POT1: variants seen among roughly 807,000 people sequenced by gnomAD.
The protein encoded by POT1 is protection of telomeres 1, also known as protection of telomeres protein 1.
A neutral mutation model predicts 78.5 loss-of-function variants in POT1; 47 were observed. The ratio of observed to expected loss-of-function variants is 0.60; its 90% CI spans 0.47 to 0.76. POT1 has a LOEUF of 0.76. Ranked by LOEUF, POT1 falls within the 30% of genes least tolerant of loss-of-function variation. The pLI, the probability that POT1 is intolerant of heterozygous loss-of-function variation, is 0.00. For missense variants in POT1, 646 were observed against 749.9 expected (o/e 0.86, Z 1.62); for synonymous variants, 259 against 260.7 (o/e 0.99, Z 0.06).
chr7:124,927,826 G>A (rs895347151), intron 2 of POT1, among the ~76,000 whole-genome samples: 26 of 152,046 alleles, frequency 1.7e-4, no homozygotes, highest in African/African-American at 6.3e-4. Context: ...TTGTTGGCTA[G>A]GAATTAGAAA....
intron 14 of POT1, among the ~76,000 whole-genome samples, chr7:124,838,927 G>T (rs1794960544): frequency 1.3e-5 from 2 of 152,054 alleles, no homozygotes; most frequent in Admixed American, 1.3e-4. Context: ...AAAAATCCCA[G>T]CAAGTTATTT....
intron 10 of POT1, among the ~76,000 whole-genome samples, chr7:124,852,298 C>T (rs144442747): frequency 6.8e-4 from 104 of 152,120 alleles, no homozygotes; most frequent in African/African-American, 2.4e-3. Context: ...AGTAATAAAA[C>T]AGAAGCTAAT....
chr7:124,857,886 T>G (rs1274027525), intron 9 of POT1, among the ~76,000 whole-genome samples: 2 of 152,124 alleles, frequency 1.3e-5, no homozygotes, highest in Admixed American at 6.5e-5. Context: ...ATGACAGAGC[T>G]AAAACAGTAC....
intron 6 of POT1, among the ~76,000 whole-genome samples, chr7:124,879,796 T>G (rs1796076949): frequency 6.6e-6 from 1 of 152,166 alleles, no homozygotes; most frequent in Non-Finnish European, 1.5e-5. Context: ...TCTCTATTTG[T>G]ACTTCACCTA....
intron 6 of POT1, among the ~76,000 whole-genome samples, chr7:124,881,523 A>G (rs1453937485): frequency 1.3e-5 from 2 of 152,010 alleles, no homozygotes; most frequent in Non-Finnish European, 2.9e-5. Context: ...AATGTTAAAC[A>G]CCTTTCAGGT....
intron 7 of POT1, among the ~76,000 whole-genome samples, chr7:124,867,135 C>A (rs1344328888): frequency 2.0e-5 from 3 of 152,090 alleles, no homozygotes; most frequent in East Asian, 3.9e-4. Context: ...ATGAGCAGGT[C>A]CTCTTTGCTT....
At chr7:124,859,516 T>G (rs920424733) in intron 8 of POT1, among the ~76,000 whole-genome samples, 69 of 152,162 alleles carry the variant, frequency 4.5e-4, no homozygotes, top group African/African-American at 1.5e-3. Flanking sequence ...ATTATTTTTA[T>G]GAGATTCAGT....
At chr7:124,859,246 A>G (rs1042055012) in intron 8 of POT1, 134 bp from the exon 9 acceptor site, 7 of 553,586 alleles carry the variant, frequency 1.3e-5, no homozygotes, top group Non-Finnish European at 2.1e-5. Context: ...TAAATATGAC[A>G]TTATTTTCTG....
rs568858581 is a variant in POT1, at chr7:124,869,845, T to A, written c.255+1066A>T. Among the ~76,000 whole-genome samples the A allele has an allele frequency of 1.1e-3, 174 of 152,302 alleles. 1 individual carries two copies. The highest frequency in any genetic ancestry group is 3.8e-3 in the African/African-American group (158 of 41,568). On this transcript the variant is annotated intron_variant, in intron 7 of 18. Transcript: ENST00000357628. ...ATCCGCCAGCATCAACCTCCCAAAG[T>A]GCTGGGATTACAGGTGTGAGCTACC... is the stretch of plus-strand genomic sequence containing the variant.
chr7:124,918,001 C>T (rs566022198), intron 2 of POT1, among the ~76,000 whole-genome samples: 48 of 152,238 alleles, frequency 3.2e-4, no homozygotes, highest in African/African-American at 1.1e-3. Flanking sequence ...GAAAAATATT[C>T]TGGTGCTACT....
chr7:124,879,657 A>G (rs969050139), intron 6 of POT1, among the ~76,000 whole-genome samples: 3 of 152,166 alleles, frequency 2.0e-5, no homozygotes, highest in Non-Finnish European at 2.9e-5. Context: ...ATGCAATAGG[A>G]TATTTTTCTG....
intron 5 of POT1, among the ~76,000 whole-genome samples, chr7:124,895,043 C>A (rs753735358): frequency 2.0e-5 from 3 of 151,576 alleles, no homozygotes; most frequent in Non-Finnish European, 3.0e-5. Flanking sequence ...CTAGCACTTA[C>A]AAAAATACTT....
chr7:124,889,212 T>G (rs1242258935), intron 6 of POT1, among the ~76,000 whole-genome samples: 1 of 151,914 alleles, frequency 6.6e-6, no homozygotes, highest in Non-Finnish European at 1.5e-5. Context: ...ACACAGAAAA[T>G]TTTAGTCGTC....
chr7:124,865,767 T>C (rs1484639841), intron 7 of POT1, among the ~76,000 whole-genome samples: 1 of 151,838 alleles, frequency 6.6e-6, no homozygotes, highest in African/African-American at 2.4e-5. Context: ...AATGCAGTGG[T>C]GTAATAATAT....
chr7:124,895,157 A>T (rs1156781220), intron 5 of POT1, among the ~76,000 whole-genome samples: 1 of 151,664 alleles, frequency 6.6e-6, no homozygotes, highest in Non-Finnish European at 1.5e-5. Flanking sequence ...GCTACTCAGG[A>T]ATTTAAATAT....
rs189690199 is a variant in POT1 at position 124,852,462 on chromosome 7, T to C, written c.869+510A>G. On this transcript the variant is annotated intron_variant, in intron 10 of 18. Transcript: ENST00000357628. ...GCACACAATACTCACTAGGAATACC[T>C]TGGGAAAAGCAGATCTAAATATATA... Among the ~76,000 whole-genome samples the C allele has an allele frequency of 1.3e-3, 204 of 152,274 alleles. 1 individual carries two copies. The highest frequency in any genetic ancestry group is 3.7e-3 in the Admixed American group (57 of 15,290).
intron 6 of POT1, among the ~76,000 whole-genome samples, chr7:124,878,410 G>T (rs1405049127): frequency 6.6e-6 from 1 of 151,850 alleles, no homozygotes; most frequent in East Asian, 1.9e-4. Context: ...AAATTTTCAA[G>T]ATTTGCACAG....
At chr7:124,869,239 G>A (rs1001206510) in intron 7 of POT1, among the ~76,000 whole-genome samples, 3 of 152,130 alleles carry the variant, frequency 2.0e-5, no homozygotes, top group African/African-American at 7.2e-5. Flanking sequence ...GTGTACCCAT[G>A]TAGTTCAAAC....
Position 124,877,840 on chromosome 7 carries a change from CAAAAAAAAAA to C in POT1, c.125-6809_125-6800del, listed in dbSNP as rs201285982. The stretch of plus-strand genomic sequence containing the variant: ...TGGGCGACAGAGAGAGATTCTGTCT[CAAAAAAAAAA>C]AAAAAAAAAAAAAAAAAAAGAGTGA... On this transcript the variant is annotated intron_variant, in intron 6 of 18. Coordinates refer to ENST00000357628, the MANE Select transcript of POT1 (RefSeq NM_015450.3). Among the ~76,000 whole-genome samples the C allele has an allele frequency of 1.6e-3, 130 of 80,568 alleles. 1 individual carries two copies. Among genetic ancestry groups the C allele is most frequent in the Non-Finnish European group, 3.0e-3 (110 of 36,922 alleles). The allele number at this position is 80,568 out of a possible 152,430, so 52.9% of individuals were successfully genotyped here. A position where few individuals can be genotyped will look rare whatever the true frequency, so the allele number is the denominator to read the frequency against.
Sources: gnomAD v4.1 joint callset for allele counts (sites outside exome capture counted in the v4.1 genomes callset) on GRCh38, gnomAD v4.1.1 for gene constraint, MANE v1.5 for transcripts, NCBI Gene and HGNC (gene_info 2026-07-23, HGNC 2026-07-21) for gene names.